NOS1AP: variants seen among roughly 807,000 people sequenced by gnomAD.
The protein encoded by NOS1AP is carboxyl-terminal PDZ ligand of neuronal nitric oxide synthase protein.
In NOS1AP, 21 loss-of-function variants were observed where a neutral mutation model predicts 56.2. The observed-to-expected ratio is 0.37, with a 90% CI of 0.26 to 0.54. The LOEUF is 0.54. NOS1AP is among the 20% of genes least tolerant of loss of function. The pLI is 0.84. For synonymous variants in NOS1AP, 270 were observed against 274.6 expected (o/e 0.98, Z 0.17); for missense variants, 522 against 657.8 (o/e 0.79, Z 2.26).
At chr1:162,307,505 T>C (rs1655872622) in intron 4 of NOS1AP, among the ~76,000 whole-genome samples, 1 of 152,172 alleles carries the variant, frequency 6.6e-6, no homozygotes, top group Admixed American at 6.5e-5. Flanking sequence ...GTGACATGAT[T>C]AAGAATTAGA....
chr1:162,209,115 T>C (rs1652258945), intron 2 of NOS1AP, among the ~76,000 whole-genome samples: 1 of 152,234 alleles, frequency 6.6e-6, no homozygotes, highest in Non-Finnish European at 1.5e-5. Flanking sequence ...AGATTTTTCC[T>C]CTTCTGGAAT....
chr1:162,158,699 C>G (rs546092186), intron 2 of NOS1AP, among the ~76,000 whole-genome samples: 131 of 152,268 alleles, frequency 8.6e-4, no homozygotes, highest in African/African-American at 3.0e-3. Context: ...TGGTACTTTC[C>G]CCCTCTCTGT....
chr1:162,148,742 T>A (rs920623910), intron 1 of NOS1AP, among the ~76,000 whole-genome samples: 1 of 152,168 alleles, frequency 6.6e-6, no homozygotes, highest in African/African-American at 2.4e-5. Flanking sequence ...TGTAAAGAGA[T>A]CACTCTGGCA....
rs1438040909 is a variant in NOS1AP at position 162,261,153 on chromosome 1, C to T, written c.178-26191C>T. Among the ~76,000 whole-genome samples the T allele has an allele frequency of 1.4e-5, 2 of 138,452 alleles. 1 individual carries two copies. Among genetic ancestry groups the T allele is most frequent in the African/African-American group, 5.6e-5 (2 of 35,876 alleles). 90.8% of individuals were successfully genotyped at this position (138,452 alleles called of 152,430 possible). ...TTCAGGTATACTTGGCAGAAACAAC[C>T]AGTAAATCTCATTGGTCTGGCATCA... On this transcript the variant is annotated intron_variant, in intron 2 of 9. Coordinates refer to ENST00000361897, the MANE Select transcript of NOS1AP (RefSeq NM_014697.3).
intron 3 of NOS1AP, among the ~76,000 whole-genome samples, chr1:162,293,760 A>G (rs1281518688): frequency 6.6e-6 from 1 of 152,236 alleles, no homozygotes; most frequent in East Asian, 1.9e-4. Flanking sequence ...GTTACAGACC[A>G]TGGGACTGCA....
intron 2 of NOS1AP, among the ~76,000 whole-genome samples, chr1:162,266,277 T>C (rs77808552): frequency 0.028 from 4,222 of 152,274 alleles, 75 homozygotes; most frequent in Non-Finnish European, 0.038. Flanking sequence ...GGGCTGTAAG[T>C]CCCTGGCCTC....
At chr1:162,207,023 A>G (rs565765027) in intron 2 of NOS1AP, among the ~76,000 whole-genome samples, 6 of 152,232 alleles carry the variant, frequency 3.9e-5, no homozygotes, top group Non-Finnish European at 8.8e-5. Flanking sequence ...ACCGAGAAAT[A>G]TTTGGATAGT....
chr1:162,290,617 G>A (rs945473104), intron 3 of NOS1AP, among the ~76,000 whole-genome samples: 1 of 152,230 alleles, frequency 6.6e-6, no homozygotes. Flanking sequence ...TGTAGAGAGA[G>A]CCATAGCCTA....
chr1:162,075,976 C>T (rs1691757991), intron 1 of NOS1AP, among the ~76,000 whole-genome samples: 1 of 152,184 alleles, frequency 6.6e-6, no homozygotes, highest in East Asian at 1.9e-4. Flanking sequence ...GTTCCTTTGC[C>T]CACAATGTCC....
Position 162,367,472 on chromosome 1 carries a change from C to G in NOS1AP, c.*5C>G. 6.5e-7 allele frequency: 1 copy of G among 1,548,812 alleles called. No homozygotes were observed. On this transcript the variant is annotated 3_prime_UTR_variant, in exon 10 of 10. Transcript: ENST00000361897. The surrounding 1 kb of genome is among the most constrained non-coding windows in gnomAD (Gnocchi z 6.5). Reference sequence around the variant, plus strand: ...GATGATGAGATCGCCGTGTAGGTGCCGAGGGCGAGGAGATGGAGGCGGCGG... The same window carrying G: ...GATGATGAGATCGCCGTGTAGGTGCGGAGGGCGAGGAGATGGAGGCGGCGG...
intron 1 of NOS1AP, among the ~76,000 whole-genome samples, chr1:162,137,559 A>G (rs576068553): frequency 8.5e-5 from 13 of 152,096 alleles, no homozygotes; most frequent in African/African-American, 2.9e-4. Flanking sequence ...TAAACCTCAG[A>G]GCTCTGTTTT....
At chr1:162,090,590 C>T (rs764581504) in intron 1 of NOS1AP, among the ~76,000 whole-genome samples, 24 of 152,030 alleles carry the variant, frequency 1.6e-4, no homozygotes, top group East Asian at 3.8e-4. Context: ...TGCCTATCTT[C>T]GATGTTTGTC....
In NOS1AP at chr1:162,285,807, G is replaced by A. The variant is rs1655071584; in HGVS notation, c.178-1537G>A. ...TAAAAGAAGAGCTGCTGACAGGGTA[G>A]AGTGGAGGTGGGGAAGTGACCACCA... On this transcript the variant is annotated intron_variant, in intron 2 of 9. Transcript: ENST00000361897. 1.3e-5 allele frequency among the ~76,000 whole-genome samples: 2 copies of A among 152,172 alleles called. 1 individual carries two copies. The highest frequency in any genetic ancestry group is 4.2e-4 in the South Asian group (2 of 4,818).
chr1:162,354,223 T>C (rs1466730825), intron 6 of NOS1AP, among the ~76,000 whole-genome samples: 1 of 152,252 alleles, frequency 6.6e-6, no homozygotes, highest in Admixed American at 6.5e-5. Context: ...TACATCCACC[T>C]GTTCCATTTT....
chr1:162,270,710 G>A (rs17459699), intron 2 of NOS1AP, among the ~76,000 whole-genome samples: 1 of 152,222 alleles, frequency 6.6e-6, no homozygotes, highest in Non-Finnish European at 1.5e-5. Flanking sequence ...TTGAAATATT[G>A]TAGCGTAGTA....
intron 2 of NOS1AP, among the ~76,000 whole-genome samples, chr1:162,249,315 G>T (rs1653775309): frequency 6.6e-6 from 1 of 152,106 alleles, no homozygotes; most frequent in African/African-American, 2.4e-5. Flanking sequence ...ATATGACTCA[G>T]CCAGGCTCCC....
chr1:162,076,889 T>A (rs1691781460), intron 1 of NOS1AP, among the ~76,000 whole-genome samples: 1 of 152,230 alleles, frequency 6.6e-6, no homozygotes, highest in African/African-American at 2.4e-5. Context: ...TAGTGTTGTG[T>A]TTCAGGGTTC....
intron 2 of NOS1AP, among the ~76,000 whole-genome samples, chr1:162,285,052 T>C (rs1265330341): frequency 6.6e-6 from 1 of 152,174 alleles, no homozygotes; most frequent in Non-Finnish European, 1.5e-5. Flanking sequence ...AAAAGAGAAG[T>C]ATATGGGGCA....
chr1:162,325,876 T>C (rs191165770), intron 4 of NOS1AP, among the ~76,000 whole-genome samples: 1 of 152,070 alleles, frequency 6.6e-6, no homozygotes, highest in Non-Finnish European at 1.5e-5. Flanking sequence ...GAGAAAAATC[T>C]CTATACCACA....
Sources: gnomAD v4.1 joint callset for allele counts (sites outside exome capture counted in the v4.1 genomes callset) on GRCh38, gnomAD v4.1.1 for gene constraint, Gnocchi (gnomAD v3.1) non-coding constraint, MANE v1.5 for transcripts, NCBI Gene and HGNC (gene_info 2026-07-23, HGNC 2026-07-21) for gene names.